Variants in ADGRB3 observed in about 807,000 individuals in gnomAD.
ADGRB3 encodes brain-specific angiogenesis inhibitor 3.
A neutral mutation model predicts 193.4 loss-of-function variants in ADGRB3; 37 were observed. That is an observed-to-expected ratio of 0.19 (90% CI 0.15 to 0.25). The LOEUF (loss-of-function observed/expected upper bound fraction) is 0.25. Among genes scored for constraint, ADGRB3 ranks in the 10% least tolerant of loss-of-function variants. The probability of loss-of-function intolerance (pLI) is 1.00; values close to 1 mark genes in which losing one functional copy is unlikely to be tolerated. For missense variants in ADGRB3, 1,637 were observed against 1,852.9 expected (o/e 0.88, Z 2.14); for synonymous variants, 690 against 644.2 (o/e 1.07, Z -1.08).
chr6:69,318,433 T>C (rs1224163005), intron 20 of ADGRB3, among the ~76,000 whole-genome samples: 3 of 151,420 alleles, frequency 2.0e-5, no homozygotes, highest in Non-Finnish European at 4.4e-5. Flanking sequence ...CCACTCTGAT[T>C]TGATACTGAT....
intron 29 of ADGRB3, among the ~76,000 whole-genome samples, chr6:69,361,969 C>T (rs1769464877): frequency 6.6e-6 from 1 of 151,790 alleles, no homozygotes; most frequent in Non-Finnish European, 1.5e-5. Flanking sequence ...TTAAAAATTA[C>T]AAAATTGGAA....
intron 3 of ADGRB3, among the ~76,000 whole-genome samples, chr6:68,880,310 G>A (rs946227954): frequency 6.6e-6 from 1 of 152,130 alleles, no homozygotes; most frequent in South Asian, 2.1e-4. Flanking sequence ...GTTACAGATG[G>A]CCTATGGTAT....
intron 24 of ADGRB3, 28 bp downstream of exon 24, chr6:69,333,036 G>A (rs1319446681): frequency 4.4e-6 from 7 of 1,605,616 alleles, no homozygotes; most frequent in Non-Finnish European, 4.3e-6. Flanking sequence ...GATTTTGAAG[G>A]TTATTTATCA....
intron 3 of ADGRB3, among the ~76,000 whole-genome samples, chr6:68,796,670 C>T (rs997414444): frequency 6.6e-6 from 1 of 152,104 alleles, no homozygotes; most frequent in African/African-American, 2.4e-5. Flanking sequence ...GAAATCTGTG[C>T]AATGCAATGT....
intron 3 of ADGRB3, among the ~76,000 whole-genome samples, chr6:68,926,937 T>A (rs1299952439): frequency 2.0e-5 from 3 of 152,152 alleles, no homozygotes; most frequent in Non-Finnish European, 4.4e-5. Context: ...AAATTATTTT[T>A]AAAATTTTTC....
rs899462184 is a variant in ADGRB3 at position 68,917,214 on chromosome 6, G to A, written c.758-13345G>A. On this transcript the variant is annotated intron_variant, in intron 3 of 31. Transcript: ENST00000370598. The stretch of plus-strand genomic sequence containing the variant: ...AGATAAGAATCACAGTCAATTCCAG[G>A]AATCATAGATAAATCCATGTAAGAA... Among the ~76,000 whole-genome samples, 4 of 152,238 alleles carry A rather than the reference G, an allele frequency of 2.6e-5. 1 individual carries two copies. The South Asian group carries it at 6.2e-4, about 24-fold the overall frequency.
chr6:69,117,706 A>G (rs993967681), intron 17 of ADGRB3, among the ~76,000 whole-genome samples: 2 of 152,162 alleles, frequency 1.3e-5, no homozygotes, highest in African/African-American at 4.8e-5. Flanking sequence ...ACCCAAGACA[A>G]ATTTTCAGTG....
intron 26 of ADGRB3, among the ~76,000 whole-genome samples, chr6:69,350,140 C>G (rs1326137589): frequency 6.6e-6 from 1 of 152,188 alleles, no homozygotes; most frequent in Non-Finnish European, 1.5e-5. Flanking sequence ...ATCCAAAAAT[C>G]CATCAGCATT....
chr6:69,101,728 G>A (rs1170215508), intron 17 of ADGRB3, among the ~76,000 whole-genome samples: 1 of 151,850 alleles, frequency 6.6e-6, no homozygotes, highest in South Asian at 2.1e-4. Context: ...TGTATGACAT[G>A]TAATCTCATA....
intron 17 of ADGRB3, among the ~76,000 whole-genome samples, chr6:69,080,898 T>C (rs1314237235): frequency 1.3e-5 from 2 of 152,020 alleles, no homozygotes; most frequent in African/African-American, 4.8e-5. Context: ...ATGACAAACG[T>C]ATGATGTTCA....
At chr6:69,234,325 A>G (rs531543059) in intron 18 of ADGRB3, among the ~76,000 whole-genome samples, 34 of 152,318 alleles carry the variant, frequency 2.2e-4, no homozygotes, top group Admixed American at 4.6e-4. Context: ...TAATCTTTAC[A>G]TATGTTTTAA....
intron 3 of ADGRB3, among the ~76,000 whole-genome samples, chr6:68,862,625 T>C (rs1765189687): frequency 6.6e-6 from 1 of 152,216 alleles, no homozygotes; most frequent in African/African-American, 2.4e-5. Context: ...TAGCTAAGTT[T>C]ACTTAGTTTT....
At chr6:69,029,243 G>T (rs1358856882) in intron 13 of ADGRB3, among the ~76,000 whole-genome samples, 2 of 151,964 alleles carry the variant, frequency 1.3e-5, no homozygotes, top group African/African-American at 4.8e-5. Flanking sequence ...GTTTTCTTTT[G>T]TGCTAATATT....
At chr6:68,736,179 A>C (rs1252538608) in intron 3 of ADGRB3, among the ~76,000 whole-genome samples, 1 of 119,902 alleles carries the variant, frequency 8.3e-6, no homozygotes, top group African/African-American at 3.6e-5. Context: ...TGACTGGCTA[A>C]TTAAAAAAAA....
At chr6:69,177,210 G>A (rs939586929) in intron 17 of ADGRB3, among the ~76,000 whole-genome samples, 1 of 152,026 alleles carries the variant, frequency 6.6e-6, no homozygotes, top group Non-Finnish European at 1.5e-5. Context: ...TGGCTGTGAT[G>A]TTAGATTACT....
intron 10 of ADGRB3, among the ~76,000 whole-genome samples, chr6:68,993,149 T>A (rs1332327028): frequency 1.3e-5 from 2 of 152,160 alleles, no homozygotes; most frequent in African/African-American, 4.8e-5. Context: ...TAGTTCATTC[T>A]GTTGCTGAAG....
chr6:68,740,639 A>T (rs1359069914), intron 3 of ADGRB3, among the ~76,000 whole-genome samples: 1 of 152,198 alleles, frequency 6.6e-6, no homozygotes, highest in East Asian at 1.9e-4. Flanking sequence ...CCACAATGTC[A>T]GTGTTAATTT....
chr6:69,108,048 G>GAAA (rs113477087), intron 17 of ADGRB3, among the ~76,000 whole-genome samples: 2 of 132,118 alleles, frequency 1.5e-5, no homozygotes, highest in Non-Finnish European at 3.3e-5. Flanking sequence ...AATAAAAATT[G>GAAA]AAAAAAAAAA....
chr6:68,817,303 CCATGTA>C (rs1189569800), intron 3 of ADGRB3, among the ~76,000 whole-genome samples: 35 of 32,764 alleles, frequency 1.1e-3, no homozygotes, highest in Non-Finnish European at 2.0e-3. Context: ...TCCCTTTTGT[CCATGTA>C]TATATATATA....
Sources: allele counts gnomAD v4.1 joint callset (sites outside exome capture counted in the v4.1 genomes callset), GRCh38; gene constraint gnomAD v4.1.1; transcripts MANE v1.5; gene names NCBI Gene and HGNC (gene_info 2026-07-23, HGNC 2026-07-21).